CDK14: variants seen among roughly 807,000 people sequenced by gnomAD.
The protein encoded by CDK14 is cyclin-dependent kinase 14.
A neutral mutation model predicts 60.7 loss-of-function variants in CDK14; 34 were observed. The observed-to-expected ratio is 0.56, with a 90% CI of 0.43 to 0.75. The LOEUF (loss-of-function observed/expected upper bound fraction) is 0.75, where lower values mean the gene tolerates loss of function less well. Ranked by LOEUF, CDK14 falls within the 30% of genes least tolerant of loss-of-function variation. The pLI is 0.00. For synonymous variants in CDK14, 197 were observed against 203.7 expected, an observed-to-expected ratio of 0.97 and a Z score of 0.28; for missense variants, 482 against 564.1, an observed-to-expected ratio of 0.85 and a Z score of 1.47.
At chr7:90,826,726 G>C (rs1340170092) in intron 5 of CDK14, among the ~76,000 whole-genome samples, 1 of 151,732 alleles carries the variant, frequency 6.6e-6, no homozygotes, top group African/African-American at 2.4e-5. Context: ...TTATTTTTTA[G>C]AACTGTTTTA....
At chr7:91,199,652 CAT>C (rs1319312150) in intron 14 of CDK14, among the ~76,000 whole-genome samples, 53 of 152,298 alleles carry the variant, frequency 3.5e-4, no homozygotes, top group African/African-American at 1.2e-3. Flanking sequence ...TCAGTCTTCT[CAT>C]GTGAGAAATG....
chr7:90,861,714 T>G (rs1584057024), intron 5 of CDK14, among the ~76,000 whole-genome samples: 2 of 152,128 alleles, frequency 1.3e-5, no homozygotes, highest in Admixed American at 6.5e-5. Context: ...ACCCAAACCC[T>G]TCTTCTTTCG....
At chr7:90,668,884 T>G (rs1228860212) in intron 2 of CDK14, among the ~76,000 whole-genome samples, 7 of 149,020 alleles carry the variant, frequency 4.7e-5, no homozygotes. Context: ...ATTTTTTTTT[T>G]GTTTATTTAT....
chr7:90,856,036 T>G (rs1790807477), intron 5 of CDK14, among the ~76,000 whole-genome samples: 1 of 152,196 alleles, frequency 6.6e-6, no homozygotes, highest in African/African-American at 2.4e-5. Context: ...TTTGCCCATC[T>G]CCAAACTGAA....
intron 11 of CDK14, among the ~76,000 whole-genome samples, chr7:91,050,512 T>C (rs1024411743): frequency 4.7e-5 from 7 of 150,084 alleles, no homozygotes. Context: ...CTTTACTATA[T>C]AACCTGTATA....
Position 91,091,501 on chromosome 7 carries a change from T to A in CDK14, c.1154+12021T>A, listed in dbSNP as rs867667384. Among the ~76,000 whole-genome samples the A allele has an allele frequency of 1.9e-4, 17 of 88,968 alleles. 1 individual carries two copies. In the East Asian group the frequency reaches 4.0e-3, roughly 21 times the overall value. The allele number at this position is 88,968 out of a possible 152,430, so 58.4% of individuals were successfully genotyped here. ...TATATGTATATGTAGTTTATATATT[T>A]TATATATATATATATAAATTAGCCA... is the stretch of plus-strand genomic sequence containing the variant. On this transcript the variant is annotated intron_variant, in intron 12 of 14. Coordinates refer to ENST00000380050, the MANE Select transcript of CDK14 (RefSeq NM_001287135.2).
intron 7 of CDK14, among the ~76,000 whole-genome samples, chr7:90,901,650 A>G (rs1194769628): frequency 6.8e-6 from 1 of 147,916 alleles, no homozygotes; most frequent in Non-Finnish European, 1.5e-5. Flanking sequence ...ATTCTGCAGT[A>G]GAGTCACCTG....
At chr7:90,710,482 C>A in intron 2 of CDK14, 7 of 985,136 alleles carry the variant, frequency 7.1e-6, no homozygotes, top group Non-Finnish European at 7.2e-6. Flanking sequence ...AGACCTGGGG[C>A]TTCCTCCCTG....
intron 14 of CDK14, among the ~76,000 whole-genome samples, chr7:91,138,315 A>G (rs932697470): frequency 6.6e-6 from 1 of 152,158 alleles, no homozygotes; most frequent in Non-Finnish European, 1.5e-5. Context: ...GGAAGTACAT[A>G]TGTTTGAAGC....
At chr7:91,140,859 C>T (rs934343617) in intron 14 of CDK14, among the ~76,000 whole-genome samples, 5 of 151,902 alleles carry the variant, frequency 3.3e-5, no homozygotes, top group Non-Finnish European at 7.4e-5. Context: ...CAGACGTATT[C>T]GAGATCTTTT....
At chr7:90,613,459 G>A (rs948670085) in intron 2 of CDK14, among the ~76,000 whole-genome samples, 1 of 152,112 alleles carries the variant, frequency 6.6e-6, no homozygotes, top group African/African-American at 2.4e-5. Flanking sequence ...AGCACCTTGG[G>A]AGGGATCACT....
chr7:91,075,508 A>G (rs1798275605), intron 11 of CDK14, among the ~76,000 whole-genome samples: 1 of 152,368 alleles, frequency 6.6e-6, no homozygotes, highest in South Asian at 2.1e-4. Flanking sequence ...CATAGCCAAT[A>G]TCATACTGAA....
chr7:91,179,054 A>C (rs1801890850), intron 14 of CDK14, among the ~76,000 whole-genome samples: 1 of 152,164 alleles, frequency 6.6e-6, no homozygotes, highest in Admixed American at 6.5e-5. Flanking sequence ...CTTGGAACCA[A>C]CCCAAATGTC....
chr7:90,704,173 C>T (rs1011982309), intron 2 of CDK14, among the ~76,000 whole-genome samples: 1 of 152,194 alleles, frequency 6.6e-6, no homozygotes, highest in African/African-American at 2.4e-5. Context: ...TAGTCTGCAT[C>T]TACCAGTTTC....
At chr7:91,186,972 A>G (rs2027940) in intron 14 of CDK14, among the ~76,000 whole-genome samples, 77,476 of 152,056 alleles carry the variant, frequency 0.51, 21,044 homozygotes, top group Middle Eastern at 0.63. Context: ...AGGTTAAAGG[A>G]GACCTATTAG....
At chr7:91,204,703 C>T (rs1040921229) in intron 14 of CDK14, among the ~76,000 whole-genome samples, 14 of 152,220 alleles carry the variant, frequency 9.2e-5, no homozygotes, top group Admixed American at 5.9e-4. Context: ...AATCCCAGCA[C>T]TTTGGGAGGC....
chr7:90,837,959 GA>G (rs890970013), intron 5 of CDK14, among the ~76,000 whole-genome samples: 2 of 152,054 alleles, frequency 1.3e-5, no homozygotes, highest in African/African-American at 4.8e-5. Flanking sequence ...GTGTTGTTTG[GA>G]AAAACATATG....
chr7:90,834,099 A>G (rs1221581610), intron 5 of CDK14, among the ~76,000 whole-genome samples: 4 of 152,214 alleles, frequency 2.6e-5, no homozygotes, highest in South Asian at 2.1e-4. Flanking sequence ...TCTTAGGCTC[A>G]AAATATCAGT....
At chr7:90,610,745 C>G (rs1260519711) in intron 2 of CDK14, among the ~76,000 whole-genome samples, 2 of 152,270 alleles carry the variant, frequency 1.3e-5, no homozygotes, top group Non-Finnish European at 2.9e-5. Context: ...TAAATTTCCC[C>G]TTTTTACAAG....
Sources: gnomAD v4.1 joint callset for allele counts (sites outside exome capture counted in the v4.1 genomes callset) on GRCh38, gnomAD v4.1.1 for gene constraint, MANE v1.5 for transcripts, NCBI Gene and HGNC (gene_info 2026-07-23, HGNC 2026-07-21) for gene names.